Variants in ZXDC observed in about 807,000 individuals in gnomAD.
ZXDC encodes ZXD family zinc finger C.
Under a neutral mutation model 63.6 loss-of-function variants are expected in ZXDC, and 58 were observed. That is an observed-to-expected ratio of 0.91 (90% CI 0.74 to 1.13). ZXDC has a LOEUF of 1.13. Ranked by LOEUF, ZXDC falls within the 50% of genes most tolerant of loss-of-function variation. The pLI is 0.00. For synonymous variants in ZXDC, 561 were observed against 496.1 expected, an observed-to-expected ratio of 1.13 and a Z score of -1.74; for missense variants, 1,133 against 1,148.9, an observed-to-expected ratio of 0.99 and a Z score of 0.20.
At chr3:126,464,203 T>C (rs1396256045) in intron 5 of ZXDC, among the ~76,000 whole-genome samples, 3 of 152,238 alleles carry the variant, frequency 2.0e-5, no homozygotes, top group Non-Finnish European at 4.4e-5. Context: ...AGACCAGACA[T>C]GTACAAGGGC....
chr3:126,439,508 C>T (rs1933590004), intron 9 of ZXDC, 124 bp downstream of exon 9: 5 of 1,504,502 alleles, frequency 3.3e-6, no homozygotes, highest in Non-Finnish European at 4.5e-6. Context: ...TGGCAACCAA[C>T]CCACTGAGCC....
At chr3:126,439,143 C>T (rs1933574744) in intron 9 of ZXDC, among the ~76,000 whole-genome samples, 2 of 152,060 alleles carry the variant, frequency 1.3e-5, no homozygotes, top group African/African-American at 4.8e-5. Context: ...AATTTGAATG[C>T]AAAAAAACTA....
chr3:126,473,951 T>C (rs762608255), intron 1 of ZXDC, among the ~76,000 whole-genome samples: 3 of 151,990 alleles, frequency 2.0e-5, no homozygotes, highest in Non-Finnish European at 2.9e-5. Flanking sequence ...AGGAACCCTA[T>C]CCCTGTGAAA....
chr3:126,453,666 T>C, intron 7 of ZXDC: 1 of 985,388 alleles, frequency 1.0e-6, no homozygotes, highest in Non-Finnish European at 1.2e-6. Context: ...GGCCTATCCA[T>C]TTTCCTGTAT....
chr3:126,442,693 A>G (rs1933728295), intron 7 of ZXDC: 1 of 152,098 alleles, frequency 6.6e-6, no homozygotes, highest in African/African-American at 2.4e-5. Context: ...CATAGGAAAT[A>G]TGTGATCAAA....
rs919175101 is a variant in ZXDC at position 126,440,959 on chromosome 3, C to T, written c.2394+806G>A. 29 of 985,554 alleles carry T rather than the reference C, an allele frequency of 2.9e-5. No homozygotes were observed. In the East Asian group the frequency reaches 5.7e-4, roughly 19 times the overall value. The allele number at this position is 985,554 out of a possible 1,614,324, so 61.1% of individuals were successfully genotyped here. On this transcript the variant is annotated intron_variant, in intron 8 of 9. Transcript: ENST00000389709. ...GCGTCACCTCCACCCTCCGCACTTC[C>T]GTGGGGCCTGCAACCGCATCCCCTG...
intron 7 of ZXDC, chr3:126,455,259 G>C (rs1934261922): frequency 4.9e-6 from 1 of 202,558 alleles, no homozygotes; most frequent in South Asian, 1.7e-4. Context: ...GATATATTTT[G>C]CTGAAAAGTA....
intron 5 of ZXDC, among the ~76,000 whole-genome samples, chr3:126,464,797 C>T (rs938326133): frequency 6.6e-6 from 1 of 152,112 alleles, no homozygotes; most frequent in Non-Finnish European, 1.5e-5. Flanking sequence ...AAAGGTGACA[C>T]CCTCCAACAT....
Position 126,472,305 on chromosome 3 carries a change from C to G in ZXDC, c.908G>C (p.Gly303Ala). Residue 303 changes from glycine (G) to alanine (A), a missense_variant and splice_region_variant, in exon 2 of 10, where the codon GGC becomes GCC. Coordinates refer to ENST00000389709, the MANE Select transcript of ZXDC (RefSeq NM_025112.5). ...PERPYKCDFP[G>A]CEKTFITVSA... Reference sequence around the variant, plus strand: ...CACTGTGATAAATGTCTTCTCACAGCCTGAACAAGGAAAACACAAACCCTG... The same window carrying G: ...CACTGTGATAAATGTCTTCTCACAGGCTGAACAAGGAAAACACAAACCCTG... 1 of 1,603,692 alleles carries G rather than the reference C, an allele frequency of 6.2e-7. No homozygotes were observed. Among genetic ancestry groups the G allele is most frequent in the Non-Finnish European group, 8.5e-7 (1 of 1,171,532 alleles).
At chr3:126,457,400 G>GA (rs1432395966) in intron 7 of ZXDC, 1 of 985,318 alleles carries the variant, frequency 1.0e-6, no homozygotes, top group Non-Finnish European at 1.2e-6. Flanking sequence ...GCATGTTTTG[G>GA]AAAAGAGACG....
chr3:126,457,824 G>A (rs1045566894), intron 7 of ZXDC, among the ~76,000 whole-genome samples: 1 of 152,114 alleles, frequency 6.6e-6, no homozygotes, highest in Non-Finnish European at 1.5e-5. Context: ...TCTCCTGCAA[G>A]AGCCCACTCC....
intron 7 of ZXDC, chr3:126,457,156 C>G (rs1350379422): frequency 1.7e-6 from 1 of 592,108 alleles, no homozygotes; most frequent in African/African-American, 2.0e-5. Context: ...CTGGGGGAGT[C>G]TGGTCACATT....
chr3:126,441,977 A>C (rs1454918210), intron 7 of ZXDC, 31 bp from the exon 8 acceptor site: 2 of 1,556,494 alleles, frequency 1.3e-6, no homozygotes, highest in South Asian at 1.2e-5. Context: ...GAGCACACCC[A>C]ATCTACAATC....
chr3:126,461,862 G>A lies in ZXDC; in HGVS notation c.1800C>T (p.Asp600=), dbSNP rs61736554. The change falls in exon 6 of 10, where the codon GAC becomes GAT. Residue 600 remains aspartate (D), a synonymous_variant. Coordinates refer to ENST00000389709, the MANE Select transcript of ZXDC (RefSeq NM_025112.5). ...VLQQGSFSVD[D]VQTVSAGALG... ...ATGCTCCTGCACTCACAGTCTGCAC[G>A]TCATCCACACTGAAGCTGCCCTGCT... is the stretch of plus-strand genomic sequence containing the variant. The A allele has an allele frequency of 0.043, 69,139 of 1,614,186 alleles. 1,634 individuals are homozygous for A. Among genetic ancestry groups the A allele is most frequent in the Middle Eastern group, 0.052 (315 of 6,062 alleles).
At chr3:126,466,447 G>T in intron 4 of ZXDC, 122 bp from the exon 5 acceptor site, 1 of 1,014,808 alleles carries the variant, frequency 9.9e-7, no homozygotes. Context: ...TACTGGCAAG[G>T]ACAGAGACCA....
In ZXDC at chr3:126,475,167, G is replaced by A; in HGVS notation, c.699C>T (p.Asp233=). Residue 233 remains aspartate, a synonymous_variant, in exon 1 of 10, where the codon GAC becomes GAT. Coordinates refer to ENST00000389709, the MANE Select transcript of ZXDC (RefSeq NM_025112.5). The part of the protein sequence containing the change: ...YKLKRHLQSH[D]KLRPFGCPVG... Reference sequence around the variant, plus strand: ...CTGGACAGCCGAAGGGCCGCAGCTTGTCGTGCGACTGCAGGTGCCGCTTGA... The same window carrying A: ...CTGGACAGCCGAAGGGCCGCAGCTTATCGTGCGACTGCAGGTGCCGCTTGA... The A allele has an allele frequency of 6.2e-7, 1 of 1,603,416 alleles. No individual in the cohort carries two copies. Among genetic ancestry groups the A allele is most frequent in the Middle Eastern group, 1.7e-4 (1 of 6,052 alleles).
At chr3:126,471,745 C>T (rs572301046) in intron 3 of ZXDC, among the ~76,000 whole-genome samples, 1 of 151,272 alleles carries the variant, frequency 6.6e-6, no homozygotes, top group East Asian at 1.9e-4. Flanking sequence ...ACAGAGTATG[C>T]CAATTTAGCT....
At chr3:126,469,847 G>A (rs112450830) in intron 4 of ZXDC, among the ~76,000 whole-genome samples, 2,570 of 152,318 alleles carry the variant, frequency 0.017, 67 homozygotes, top group African/African-American at 0.059. Context: ...AGGAGGAACT[G>A]TTTCTCAGTT....
chr3:126,472,253 G>A lies in ZXDC; in HGVS notation c.960C>T (p.Ala320=). ...TVSALFSHNR[A]HFREQELFSC... is the part of the protein sequence containing the mutation. The stretch of plus-strand genomic sequence containing the variant: ...AAAAGAGCTCTTGTTCCCTGAAGTG[G>A]GCTCGGTTATGGGAAAACAGGGCAC... Residue 320 remains alanine (A), a synonymous_variant, in exon 2 of 10, where the codon GCC becomes GCT. Coordinates refer to ENST00000389709, the MANE Select transcript of ZXDC (RefSeq NM_025112.5). 2 of 1,612,760 alleles carry A rather than the reference G, an allele frequency of 1.2e-6. No homozygotes were observed. The highest frequency in any genetic ancestry group is 1.7e-6 in the Non-Finnish European group (2 of 1,178,838).
Sources: gnomAD v4.1 joint callset for allele counts (sites outside exome capture counted in the v4.1 genomes callset) on GRCh38, gnomAD v4.1.1 for gene constraint, MANE v1.5 for transcripts, NCBI Gene and HGNC (gene_info 2026-07-23, HGNC 2026-07-21) for gene names.